Variants in JPH1 observed in about 807,000 individuals in gnomAD.
The protein encoded by JPH1 is junctophilin-1.
In JPH1, 12 loss-of-function variants were observed where a neutral mutation model predicts 53.6. The observed-to-expected ratio is 0.22, with a 90% confidence interval of 0.14 to 0.36. The LOEUF (loss-of-function observed/expected upper bound fraction) is 0.36, where lower values mean the gene tolerates loss of function less well. Ranked by LOEUF, JPH1 falls within the 10% of genes least tolerant of loss-of-function variation. JPH1 has a pLI of 1.00. For synonymous variants in JPH1, 375 were observed against 363.8 expected, an observed-to-expected ratio of 1.03 and a Z score of -0.35; for missense variants, 808 against 905.5, an observed-to-expected ratio of 0.89 and a Z score of 1.38.
At chr8:74,311,365 T>C (rs531618686) in intron 2 of JPH1, among the ~76,000 whole-genome samples, 6 of 152,260 alleles carry the variant, frequency 3.9e-5, no homozygotes, top group African/African-American at 1.2e-4. Context: ...ACAGCAACCA[T>C]AGAGGGGTCA....
At chr8:74,282,755 G>GTGAC (rs1409232665) in intron 2 of JPH1, among the ~76,000 whole-genome samples, 1 of 152,130 alleles carries the variant, frequency 6.6e-6, no homozygotes. Flanking sequence ...GCACTACAGG[G>GTGAC]TGACTATAGT....
At chr8:74,296,725 C>T (rs186092678) in intron 2 of JPH1, among the ~76,000 whole-genome samples, 3 of 152,130 alleles carry the variant, frequency 2.0e-5, no homozygotes, top group Admixed American at 6.6e-5. Context: ...AATCCCTCTT[C>T]CCTTTCTCAA....
At chr8:74,310,384 C>G (rs1287253137) in intron 2 of JPH1, among the ~76,000 whole-genome samples, 1 of 151,726 alleles carries the variant, frequency 6.6e-6, no homozygotes, top group Non-Finnish European at 1.5e-5. Flanking sequence ...TTTTGTAAAT[C>G]TTATAAACAC....
chr8:74,254,280 C>G lies in JPH1; in HGVS notation c.1258+5105G>C, dbSNP rs1234724628. On this transcript the variant is annotated intron_variant, in intron 3 of 5. Transcript: ENST00000342232. ...ACGTAATCCAGCATATAAACAGAAC[C>G]AAAGACAAAAACCACATGATTATCT... 3.4e-4 allele frequency among the ~76,000 whole-genome samples: 51 copies of G among 152,142 alleles called. No homozygotes were observed. In the South Asian group the frequency reaches 0.01, roughly 30 times the overall value.
At chr8:74,239,929 A>T (rs960577731) in intron 4 of JPH1, among the ~76,000 whole-genome samples, 3 of 152,142 alleles carry the variant, frequency 2.0e-5, no homozygotes, top group African/African-American at 7.2e-5. Context: ...CCAACACCTA[A>T]AGCATTTATT....
rs1808106858 is a variant in JPH1 at position 74,315,151 on chromosome 8, G to T, written c.849C>A (p.Gly283=). Residue 283 remains glycine, a synonymous_variant, in exon 2 of 6, where the codon GGC becomes GGA. Coordinates refer to ENST00000342232, the MANE Select transcript of JPH1 (RefSeq NM_020647.4). This position sits in a 1 kb window ranked among gnomAD's most constrained non-coding sequence, Gnocchi z 6.3. ...CGTTGCGCTTGTCGTTCTTCCACTC[G>T]CCCATGTAGGTTTCCGTGGTGGTGG... is the stretch of plus-strand genomic sequence containing the variant. ...VDATTTETYM[G]EWKNDKRNGF... 4 of 1,614,042 alleles carry T rather than the reference G, an allele frequency of 2.5e-6. No individual in the cohort carries two copies. Among genetic ancestry groups the T allele is most frequent in the African/African-American group, 1.3e-5 (1 of 74,908 alleles).
rs1235020916 is a variant in JPH1, at chr8:74,282,909, T to A, written c.1140-23406A>T. Among the ~76,000 whole-genome samples, 4 of 152,248 alleles carry A rather than the reference T, an allele frequency of 2.6e-5. No individual in the cohort carries two copies. In the East Asian group the frequency reaches 7.7e-4, roughly 29 times the overall value. ...CACATTGTATACATGTATCAAAATA[T>A]CACACTGTTCTCTATAAATATGTAC... On this transcript the variant is annotated intron_variant, in intron 2 of 5. Transcript: ENST00000342232.
chr8:74,306,372 A>T (rs1807834002), intron 2 of JPH1, among the ~76,000 whole-genome samples: 1 of 152,170 alleles, frequency 6.6e-6, no homozygotes, highest in Non-Finnish European at 1.5e-5. Context: ...TTCTTTAAAG[A>T]GCCCAGAAAA....
chr8:74,251,312 G>A (rs1806052250), intron 3 of JPH1, among the ~76,000 whole-genome samples: 1 of 152,060 alleles, frequency 6.6e-6, no homozygotes, highest in Admixed American at 6.6e-5. Flanking sequence ...AACCCAATCA[G>A]GTTACAAGGA....
At chr8:74,299,454 A>C (rs117460651) in intron 2 of JPH1, among the ~76,000 whole-genome samples, 2,340 of 152,278 alleles carry the variant, frequency 0.015, 27 homozygotes, top group Middle Eastern at 0.078. Flanking sequence ...TGGGCCAATC[A>C]AAGGGGGTCA....
intron 3 of JPH1, among the ~76,000 whole-genome samples, chr8:74,251,738 GAAT>G (rs1806069656): frequency 6.6e-6 from 1 of 151,678 alleles, no homozygotes; most frequent in Non-Finnish European, 1.5e-5. Context: ...CTGAATTGTA[GAAT>G]AATACAGTTT....
intron 3 of JPH1, 115 bp from the exon 4 acceptor site, chr8:74,245,290 T>C (rs965298863): frequency 3.5e-6 from 3 of 851,712 alleles, no homozygotes; most frequent in Non-Finnish European, 5.0e-6. Flanking sequence ...AGGCTTTGAC[T>C]AAACACATAT....
intron 2 of JPH1, among the ~76,000 whole-genome samples, chr8:74,290,829 C>T (rs942020061): frequency 1.3e-5 from 2 of 152,080 alleles, no homozygotes; most frequent in African/African-American, 4.8e-5. Flanking sequence ...TAATACCACA[C>T]ATCTACAACC....
chr8:74,301,615 A>G (rs1255782583), intron 2 of JPH1, among the ~76,000 whole-genome samples: 1 of 152,088 alleles, frequency 6.6e-6, no homozygotes. Context: ...TTTGCTCAGG[A>G]TCTTCCTCCA....
At chr8:74,306,657 G>T (rs112663686) in intron 2 of JPH1, among the ~76,000 whole-genome samples, 2,517 of 151,410 alleles carry the variant, frequency 0.017, 70 homozygotes, top group African/African-American at 0.054. Context: ...GGAGTGCAAT[G>T]GCATGATCTC....
chr8:74,311,242 G>A (rs1807985218), intron 2 of JPH1, among the ~76,000 whole-genome samples: 1 of 152,200 alleles, frequency 6.6e-6, no homozygotes, highest in Non-Finnish European at 1.5e-5. Flanking sequence ...AACAGCAGCA[G>A]CTACCAAGAG....
intron 3 of JPH1, among the ~76,000 whole-genome samples, chr8:74,252,262 G>A (rs1204272911): frequency 1.3e-5 from 2 of 152,166 alleles, no homozygotes; most frequent in African/African-American, 4.8e-5. Flanking sequence ...ACAGGCATGG[G>A]CAAGGACTTC....
intron 2 of JPH1, among the ~76,000 whole-genome samples, chr8:74,292,145 GCA>G (rs1422191853): frequency 6.6e-6 from 1 of 152,100 alleles, no homozygotes; most frequent in Non-Finnish European, 1.5e-5. Flanking sequence ...TGCACGTTGT[GCA>G]CATGTACCCT....
chr8:74,301,229 C>T (rs1451423195), intron 2 of JPH1, among the ~76,000 whole-genome samples: 1 of 152,144 alleles, frequency 6.6e-6, no homozygotes, highest in African/African-American at 2.4e-5. Flanking sequence ...CACTTAAATT[C>T]TTTCTCCATG....
Sources: allele counts gnomAD v4.1 joint callset (sites outside exome capture counted in the v4.1 genomes callset), GRCh38; gene constraint gnomAD v4.1.1; non-coding constraint Gnocchi (gnomAD v3.1); transcripts MANE v1.5; gene names NCBI Gene and HGNC (gene_info 2026-07-23, HGNC 2026-07-21).